The following PAPPA2 variants were observed in gnomAD, a reference collection of about 807,000 sequenced individuals.
PAPPA2 encodes pappalysin-2.
A neutral mutation model predicts 176.4 loss-of-function variants in PAPPA2; 86 were observed. The observed-to-expected ratio is 0.49, with a 90% CI of 0.41 to 0.58. The LOEUF (loss-of-function observed/expected upper bound fraction) is 0.58, where lower values mean the gene tolerates loss of function less well. PAPPA2 is among the 20% of genes least tolerant of loss of function. The pLI is 0.00. For missense variants in PAPPA2, 2,073 were observed against 2,256.9 expected, an observed-to-expected ratio of 0.92 and a Z score of 1.65; for synonymous variants, 809 against 852.2, an observed-to-expected ratio of 0.95 and a Z score of 0.88.
intron 12 of PAPPA2, among the ~76,000 whole-genome samples, chr1:176,736,767 G>A (rs1172754769): frequency 6.6e-6 from 1 of 150,706 alleles, no homozygotes; most frequent in East Asian, 1.9e-4. Flanking sequence ...CTAAATTTCT[G>A]AAAAGCCTGC....
intron 11 of PAPPA2, among the ~76,000 whole-genome samples, chr1:176,710,969 A>G (rs1661116624): frequency 6.6e-6 from 1 of 152,082 alleles, no homozygotes; most frequent in Non-Finnish European, 1.5e-5. Flanking sequence ...CTAGGCGTGA[A>G]GTCAGCATTT....
In PAPPA2 at chr1:176,629,515, C is replaced by A. The variant is rs549712257; in HGVS notation, c.1991+33920C>A. On this transcript the variant is annotated intron_variant, in intron 3 of 22. Coordinates refer to ENST00000367662, the MANE Select transcript of PAPPA2 (RefSeq NM_020318.3). Reference sequence around the variant, plus strand: ...AATATTGGGTTTAGAATTTTAGACCCTTAAAGTAGTCTGTGTTTGAATTAA... The same window carrying A: ...AATATTGGGTTTAGAATTTTAGACCATTAAAGTAGTCTGTGTTTGAATTAA... Among the ~76,000 whole-genome samples, 3 of 152,054 alleles carry A rather than the reference C, an allele frequency of 2.0e-5. No individual in the cohort carries two copies. In the South Asian group the frequency reaches 6.3e-4, roughly 32 times the overall value.
chr1:176,571,229 G>T (rs1292616190), intron 2 of PAPPA2, among the ~76,000 whole-genome samples: 1 of 152,062 alleles, frequency 6.6e-6, no homozygotes. Flanking sequence ...CCTTAAGTTT[G>T]TGCAAGCCAT....
At chr1:176,549,014 AT>A (rs1240173063) in intron 1 of PAPPA2, among the ~76,000 whole-genome samples, 2 of 152,160 alleles carry the variant, frequency 1.3e-5, no homozygotes, top group African/African-American at 4.8e-5. Flanking sequence ...GTAAGTAAAA[AT>A]TTTTATTATT....
In PAPPA2 at chr1:176,595,588, C is replaced by T. The variant is rs1653936484; in HGVS notation, c.1984C>T (p.Pro662Ser). ...VRKTCFDPDS[P>S]KRAYMSVKEL... is the part of the protein sequence containing the mutation. The stretch of plus-strand genomic sequence containing the variant: ...CAAGACCTGCTTTGACCCTGACTCA[C>T]CCAAGAGGTAAGGGACTGGGATTTG... Residue 662 changes from proline (P) to serine (S), a missense_variant, in exon 3 of 23, where the codon CCC becomes TCC. Pro to Ser is a moderately conservative substitution (Grantham distance 74). Around this residue, in one of 4 missense-constraint regions of PAPPA2, gnomAD observed 1,196 missense variants for 1,330.4 expected, o/e 0.90. Transcript: ENST00000367662. The T allele has an allele frequency of 2.5e-6, 4 of 1,609,222 alleles. No homozygotes were observed. Among genetic ancestry groups the T allele is most frequent in the Middle Eastern group, 3.7e-4 (2 of 5,458 alleles).
chr1:176,683,386 G>A (rs1264963248), intron 4 of PAPPA2, among the ~76,000 whole-genome samples: 2 of 152,168 alleles, frequency 1.3e-5, no homozygotes, highest in Non-Finnish European at 2.9e-5. Context: ...TAAATCCTGG[G>A]AGCCCATTCA....
intron 3 of PAPPA2, among the ~76,000 whole-genome samples, chr1:176,601,412 TC>T (rs1217695898): frequency 6.6e-6 from 1 of 152,146 alleles, no homozygotes; most frequent in African/African-American, 2.4e-5. Context: ...CCAAAGTAGT[TC>T]CTCTCCCAAA....
intron 3 of PAPPA2, among the ~76,000 whole-genome samples, chr1:176,609,827 T>A (rs1422369197): frequency 6.6e-6 from 1 of 152,220 alleles, no homozygotes; most frequent in Non-Finnish European, 1.5e-5. Flanking sequence ...GAGATAATGC[T>A]TGTTGAAAGT....
intron 3 of PAPPA2, among the ~76,000 whole-genome samples, chr1:176,601,180 A>T (rs1392612485): frequency 6.6e-6 from 1 of 152,142 alleles, no homozygotes; most frequent in South Asian, 2.1e-4. Flanking sequence ...CCCCTCTGTC[A>T]TGTCTGCTTT....
chr1:176,662,406 A>G (rs1658406945), intron 3 of PAPPA2, among the ~76,000 whole-genome samples: 2 of 152,156 alleles, frequency 1.3e-5, no homozygotes, highest in Non-Finnish European at 2.9e-5. Context: ...TTCCACTTTA[A>G]TAATTATTCA....
rs199793552 is a variant in PAPPA2 at position 176,581,844 on chromosome 1, G to GT, written c.920-12671dup. Among the ~76,000 whole-genome samples, 25 of 147,136 alleles carry GT rather than the reference G, an allele frequency of 1.7e-4. 1 individual carries two copies. Among genetic ancestry groups the GT allele is most frequent in the East Asian group, 8.1e-4 (4 of 4,938 alleles). On this transcript the variant is annotated intron_variant, in intron 2 of 22. Transcript: ENST00000367662. ...TTTACTGAATTTATCAGTTATAAGA[G>GT]TTTTTTTTTAAATTTTTGTTTATTT...
chr1:176,572,288 T>A (rs941572097), intron 2 of PAPPA2, among the ~76,000 whole-genome samples: 1 of 152,218 alleles, frequency 6.6e-6, no homozygotes, highest in African/African-American at 2.4e-5. Context: ...TTAGATCACT[T>A]AGTTTCCTTG....
At chr1:176,526,372 T>G (rs1437823188) in intron 1 of PAPPA2, among the ~76,000 whole-genome samples, 4 of 152,212 alleles carry the variant, frequency 2.6e-5, no homozygotes, top group Non-Finnish European at 4.4e-5. Flanking sequence ...GCCAGTGGAA[T>G]ATGGGCAAAA....
At chr1:176,577,323 G>A (rs960110082) in intron 2 of PAPPA2, among the ~76,000 whole-genome samples, 1 of 152,096 alleles carries the variant, frequency 6.6e-6, no homozygotes, top group African/African-American at 2.4e-5. Context: ...CCTGCACACG[G>A]GTGGCCTAAG....
chr1:176,507,667 AC>A (rs1460715732), intron 1 of PAPPA2, among the ~76,000 whole-genome samples: 1 of 152,112 alleles, frequency 6.6e-6, no homozygotes, highest in Non-Finnish European at 1.5e-5. Context: ...ATAATCCTAA[AC>A]AAATTAATGC....
intron 12 of PAPPA2, among the ~76,000 whole-genome samples, chr1:176,737,692 G>A (rs1418004476): frequency 6.6e-6 from 1 of 152,122 alleles, no homozygotes; most frequent in East Asian, 1.9e-4. Context: ...TCATGGCACA[G>A]AGACCTTGCC....
chr1:176,656,446 C>A (rs1374049414), intron 3 of PAPPA2, among the ~76,000 whole-genome samples: 1 of 151,852 alleles, frequency 6.6e-6, no homozygotes, highest in Non-Finnish European at 1.5e-5. Flanking sequence ...TGACTAAGGG[C>A]AGAGCAGATT....
chr1:176,646,280 G>A, intron 3 of PAPPA2, among the ~76,000 whole-genome samples: 1 of 151,032 alleles, frequency 6.6e-6, no homozygotes, highest in East Asian at 1.9e-4. Flanking sequence ...TAATTTTTGT[G>A]GGTACATAGT....
chr1:176,576,140 CAAATGGTTGCT>C (rs781544613), intron 2 of PAPPA2, among the ~76,000 whole-genome samples: 2 of 152,118 alleles, frequency 1.3e-5, no homozygotes, highest in Non-Finnish European at 2.9e-5. Context: ...CTGTTTTTGG[CAAATGGTTGCT>C]AAATGGTTTT....
Sources: allele counts gnomAD v4.1 joint callset (sites outside exome capture counted in the v4.1 genomes callset), GRCh38; gene constraint gnomAD v4.1.1; regional missense constraint gnomAD v4.1.1; transcripts MANE v1.5; gene names NCBI Gene and HGNC (gene_info 2026-07-23, HGNC 2026-07-21).